SHISA6: variants seen among roughly 807,000 people sequenced by gnomAD.
The protein encoded by SHISA6 is protein shisa-6.
In SHISA6, 22 loss-of-function variants were observed where a neutral mutation model predicts 47.9. The observed-to-expected ratio is 0.46, with a 90% CI of 0.33 to 0.66. The LOEUF (loss-of-function observed/expected upper bound fraction) is 0.66. Among genes scored for constraint, SHISA6 ranks in the 30% least tolerant of loss-of-function variants. SHISA6 has a pLI of 0.02. For missense variants in SHISA6, 680 were observed against 764.6 expected (o/e 0.89, Z 1.30); for synonymous variants, 388 against 337.8 (o/e 1.15, Z -1.63).
intron 2 of SHISA6, among the ~76,000 whole-genome samples, chr17:11,323,043 G>T (rs974944671): frequency 6.6e-6 from 1 of 152,264 alleles, no homozygotes; most frequent in Non-Finnish European, 1.5e-5. Flanking sequence ...TTCGGGTCAG[G>T]TTAACCAGTC....
intron 2 of SHISA6, among the ~76,000 whole-genome samples, chr17:11,374,993 A>G (rs1173847419): frequency 6.6e-6 from 1 of 152,076 alleles, no homozygotes; most frequent in East Asian, 1.9e-4. Context: ...TCCCACCTCT[A>G]CAAAAATGAA....
chr17:11,354,747 C>T (rs1383433216), intron 2 of SHISA6, among the ~76,000 whole-genome samples: 5 of 152,118 alleles, frequency 3.3e-5, no homozygotes, highest in Admixed American at 2.0e-4. Flanking sequence ...ACGTGCCTCC[C>T]CCACCCCCTA....
At chr17:11,274,019 G>T (rs1278302118) in intron 2 of SHISA6, among the ~76,000 whole-genome samples, 1 of 152,334 alleles carries the variant, frequency 6.6e-6, no homozygotes, top group East Asian at 1.9e-4. Flanking sequence ...GGACAGGTGT[G>T]CCCAGAAGCA....
chr17:11,556,243 C>T, intron 5 of SHISA6, among the ~76,000 whole-genome samples: 1 of 152,162 alleles, frequency 6.6e-6, no homozygotes, highest in East Asian at 1.9e-4. Flanking sequence ...ATACCCTATA[C>T]TGGATAGAGG....
chr17:11,463,391 G>GT (rs35081646), intron 3 of SHISA6, among the ~76,000 whole-genome samples: 3 of 152,032 alleles, frequency 2.0e-5, no homozygotes, highest in East Asian at 3.9e-4. Context: ...CTTTTAAAAG[G>GT]TTTTTTTAAA....
chr17:11,441,225 C>T (rs1915085809), intron 3 of SHISA6, among the ~76,000 whole-genome samples: 1 of 152,198 alleles, frequency 6.6e-6, no homozygotes, highest in African/African-American at 2.4e-5. Flanking sequence ...AAACAGCCAA[C>T]ACATGGTAAA....
intron 2 of SHISA6, among the ~76,000 whole-genome samples, chr17:11,311,357 T>C (rs1379834706): frequency 1.3e-5 from 2 of 152,046 alleles, no homozygotes; most frequent in Non-Finnish European, 2.9e-5. Context: ...CTAAGTATTT[T>C]CTTTGGAATC....
chr17:11,407,813 C>A (rs1914008052), intron 3 of SHISA6, among the ~76,000 whole-genome samples: 1 of 152,078 alleles, frequency 6.6e-6, no homozygotes, highest in African/African-American at 2.4e-5. Context: ...GGGATGTGGT[C>A]CAACCCCTTG....
chr17:11,544,211 T>G (rs1040260747), intron 3 of SHISA6, among the ~76,000 whole-genome samples: 7 of 151,886 alleles, frequency 4.6e-5, no homozygotes, highest in African/African-American at 1.7e-4. Context: ...ATTTAAAAAT[T>G]GATAAATCAG....
At chr17:11,526,495 A>G (rs1364114895) in intron 3 of SHISA6, among the ~76,000 whole-genome samples, 1 of 152,152 alleles carries the variant, frequency 6.6e-6, no homozygotes, top group East Asian at 1.9e-4. Flanking sequence ...TACTCTATGT[A>G]GCAGAGACAA....
chr17:11,413,951 T>G lies in SHISA6; in HGVS notation c.895+34442T>G, dbSNP rs370163686. On this transcript the variant is annotated intron_variant, in intron 3 of 5. Transcript: ENST00000441885. ...GGAGGTCATCCATCTGCCAGGGACT[T>G]ATTAGCAAAAACTAAAACTGGGAGG... Among the ~76,000 whole-genome samples the G allele has an allele frequency of 9.9e-5, 15 of 152,242 alleles. 1 individual carries two copies. The highest frequency in any genetic ancestry group is 5.8e-4 in the East Asian group (3 of 5,164).
At chr17:11,471,093 C>G (rs1915924742) in intron 3 of SHISA6, among the ~76,000 whole-genome samples, 1 of 151,804 alleles carries the variant, frequency 6.6e-6, no homozygotes, top group African/African-American at 2.4e-5. Flanking sequence ...CCTGTTATCC[C>G]AGCTACTCGG....
At chr17:11,410,870 C>G (rs1331085764) in intron 3 of SHISA6, among the ~76,000 whole-genome samples, 1 of 152,222 alleles carries the variant, frequency 6.6e-6, no homozygotes, top group African/African-American at 2.4e-5. Context: ...CCAGGCGGCT[C>G]TGTTGCATAA....
chr17:11,330,085 T>TA (rs1911043221), intron 2 of SHISA6, among the ~76,000 whole-genome samples: 1 of 152,178 alleles, frequency 6.6e-6, no homozygotes, highest in Non-Finnish European at 1.5e-5. Context: ...GCATCATCCT[T>TA]ACAGCTTAGT....
chr17:11,477,423 C>T lies in SHISA6; in HGVS notation c.896-74473C>T, dbSNP rs56115958. The stretch of plus-strand genomic sequence containing the variant: ...ATTTCTTAACCTATCAGTTAAACTA[C>T]TTTTTTTTATTATATTTTAAGTTTT... On this transcript the variant is annotated intron_variant, in intron 3 of 5. Transcript: ENST00000441885. 4.0e-5 allele frequency among the ~76,000 whole-genome samples: 6 copies of T among 151,826 alleles called. No homozygotes were observed. In the East Asian group the frequency reaches 7.7e-4, roughly 20 times the overall value.
chr17:11,274,064 A>T (rs567121119), intron 2 of SHISA6, among the ~76,000 whole-genome samples: 10 of 152,238 alleles, frequency 6.6e-5, no homozygotes, highest in Admixed American at 4.6e-4. Context: ...TGCCCTTGTG[A>T]TGATGGGACC....
chr17:11,419,944 C>T (rs892866715), intron 3 of SHISA6, among the ~76,000 whole-genome samples: 3 of 152,322 alleles, frequency 2.0e-5, no homozygotes, highest in Admixed American at 6.5e-5. Context: ...TGGCCCACAC[C>T]TGTAATCCCA....
chr17:11,274,191 A>T (rs1908789286), intron 2 of SHISA6, among the ~76,000 whole-genome samples: 1 of 152,096 alleles, frequency 6.6e-6, no homozygotes, highest in African/African-American at 2.4e-5. Context: ...CGAATTGGGG[A>T]CAGAGAGAGC....
intron 2 of SHISA6, among the ~76,000 whole-genome samples, chr17:11,286,957 G>A (rs1232503747): frequency 6.6e-6 from 1 of 152,214 alleles, no homozygotes; most frequent in Non-Finnish European, 1.5e-5. Flanking sequence ...GAGGAAGGAA[G>A]TAGCTTGACC....
Sources: allele counts gnomAD v4.1 joint callset (sites outside exome capture counted in the v4.1 genomes callset), GRCh38; gene constraint gnomAD v4.1.1; transcripts MANE v1.5; gene names NCBI Gene and HGNC (gene_info 2026-07-23, HGNC 2026-07-21).